Variants in PHF24 observed in about 807,000 individuals in gnomAD.
The protein encoded by PHF24 is PHD finger protein 24.
In PHF24, 25 loss-of-function variants were observed where a neutral mutation model predicts 42.6. The observed-to-expected ratio is 0.59, with a 90% CI of 0.43 to 0.82. The LOEUF is 0.82. PHF24 is among the 40% of genes least tolerant of loss of function. The pLI is 0.00. For synonymous variants in PHF24, 185 were observed against 204.8 expected (o/e 0.90, Z 0.83); for missense variants, 470 against 538.1 (o/e 0.87, Z 1.25).
chr9:34,870,840 G>A, the PHF24 span, among the ~76,000 whole-genome samples: 1 of 152,118 alleles, frequency 6.6e-6, no homozygotes, highest in African/African-American at 2.4e-5. Context: ...ACATACTAAA[G>A]TTTATTCATC....
the PHF24 span, chr9:34,724,148 C>T: frequency 6.5e-7 from 1 of 1,549,674 alleles, no homozygotes; most frequent in East Asian, 2.4e-5. Flanking sequence ...CTTGCTAGGG[C>T]TTTGAGGCTC....
intron 3 of PHF24, 139 bp downstream of exon 3, chr9:34,972,670 CT>C: frequency 1.4e-6 from 1 of 708,202 alleles, no homozygotes; most frequent in Admixed American, 3.4e-5. Flanking sequence ...AATCCCAGCA[CT>C]TTGGGAGGCC....
At chr9:34,713,498 A>G in the PHF24 span, among the ~76,000 whole-genome samples, 20 of 149,742 alleles carry the variant, frequency 1.3e-4, no homozygotes, top group African/African-American at 5.1e-4. Context: ...TTCATCAAGT[A>G]CCACCCCCCC....
chr9:34,851,484 A>G, the PHF24 span, among the ~76,000 whole-genome samples: 1 of 151,926 alleles, frequency 6.6e-6, no homozygotes, highest in Non-Finnish European at 1.5e-5. Context: ...GAGTGACCCT[A>G]TTTTCCAGGT....
the PHF24 span, among the ~76,000 whole-genome samples, chr9:34,673,623 ATT>A: frequency 7.5e-5 from 10 of 132,474 alleles, no homozygotes; most frequent in East Asian, 2.2e-4. Context: ...AGCCTGGCTA[ATT>A]TTTTTTTTTT....
At chr9:34,963,073 A>T (rs1197502831) in intron 1 of PHF24, among the ~76,000 whole-genome samples, 1 of 152,186 alleles carries the variant, frequency 6.6e-6, no homozygotes, top group Non-Finnish European at 1.5e-5. Context: ...GGGTCTACAA[A>T]CATGAATACT....
chr9:34,919,804 G>T, the PHF24 span, among the ~76,000 whole-genome samples: 1 of 148,080 alleles, frequency 6.8e-6, no homozygotes, highest in Admixed American at 6.8e-5. Context: ...AACATGCAAA[G>T]TTTGTCTTTA....
At chr9:34,936,244 T>C in the PHF24 span, among the ~76,000 whole-genome samples, 1 of 152,184 alleles carries the variant, frequency 6.6e-6, no homozygotes, top group Non-Finnish European at 1.5e-5. Flanking sequence ...GGTTTTCGTA[T>C]TTTTTTGGTG....
chr9:34,859,643 CT>C, the PHF24 span, among the ~76,000 whole-genome samples: 2 of 152,108 alleles, frequency 1.3e-5, no homozygotes, highest in African/African-American at 4.8e-5. Flanking sequence ...TATTCATGCA[CT>C]TTGTTTCCCA....
the PHF24 span, among the ~76,000 whole-genome samples, chr9:34,721,637 T>C: frequency 3.9e-5 from 6 of 152,242 alleles, no homozygotes; most frequent in South Asian, 8.3e-4. Context: ...TCTCGAACTC[T>C]TGACCTCAGG....
chr9:34,917,474 G>A, the PHF24 span: 1 of 770,684 alleles, frequency 1.3e-6, no homozygotes, highest in East Asian at 2.4e-5. Context: ...GGTATTGTGT[G>A]AAGTTTTCAA....
At chr9:34,904,413 G>A in the PHF24 span, among the ~76,000 whole-genome samples, 1 of 151,958 alleles carries the variant, frequency 6.6e-6, no homozygotes, top group South Asian at 2.1e-4. Context: ...TGCCAATTTC[G>A]CTTAGAGTTT....
the PHF24 span, among the ~76,000 whole-genome samples, chr9:34,804,320 C>G: frequency 1.3e-5 from 2 of 152,062 alleles, no homozygotes; most frequent in African/African-American, 4.8e-5. Flanking sequence ...TCTGTTTTTC[C>G]AAACTAACAC....
the PHF24 span, among the ~76,000 whole-genome samples, chr9:34,900,330 G>A: frequency 6.6e-6 from 1 of 152,224 alleles, no homozygotes; most frequent in Non-Finnish European, 1.5e-5. Flanking sequence ...CAAGCACAGT[G>A]GCTCATGCCT....
At chr9:34,715,216 C>T in the PHF24 span, among the ~76,000 whole-genome samples, 1 of 152,006 alleles carries the variant, frequency 6.6e-6, no homozygotes, top group South Asian at 2.1e-4. Context: ...ATAGCGAGTC[C>T]CTACCCCGTC....
At chr9:34,881,537 C>A in the PHF24 span, among the ~76,000 whole-genome samples, 1 of 151,954 alleles carries the variant, frequency 6.6e-6, no homozygotes, top group Non-Finnish European at 1.5e-5. Context: ...ATATCACCAC[C>A]GATCCCACAG....
At chr9:34,765,713 AT>A in the PHF24 span, among the ~76,000 whole-genome samples, 1 of 151,906 alleles carries the variant, frequency 6.6e-6, no homozygotes, top group Non-Finnish European at 1.5e-5. Context: ...TAAAGTTAAT[AT>A]TGTTATGTGT....
chr9:34,782,569 TA>T, the PHF24 span, among the ~76,000 whole-genome samples: 2 of 151,936 alleles, frequency 1.3e-5, no homozygotes, highest in South Asian at 4.1e-4. Context: ...TCACTAGAGG[TA>T]GAGAGCAAGA....
chr9:34,764,678 T>G, the PHF24 span, among the ~76,000 whole-genome samples: 1 of 152,040 alleles, frequency 6.6e-6, no homozygotes. Context: ...TTTTGAAGGG[T>G]TTTTTGTGTC....
Sources: gnomAD v4.1 joint callset for allele counts (sites outside exome capture counted in the v4.1 genomes callset) on GRCh38, gnomAD v4.1.1 for gene constraint, MANE v1.5 for transcripts, NCBI Gene and HGNC (gene_info 2026-07-23, HGNC 2026-07-21) for gene names.